Variants in PHLPP1 observed in about 807,000 individuals in gnomAD.
PHLPP1 encodes the protein PH domain leucine-rich repeat-containing protein phosphatase 1.
PHLPP1 carries 42 observed loss-of-function variants against 117.2 expected under a neutral mutation model. The observed-to-expected ratio is 0.36, with a 90% confidence interval of 0.28 to 0.46. PHLPP1 has a LOEUF of 0.46. PHLPP1 is among the 20% of genes least tolerant of loss of function. PHLPP1 has a pLI of 1.00. For missense variants in PHLPP1, 2,084 were observed against 2,241.9 expected, an observed-to-expected ratio of 0.93 and a Z score of 1.42; for synonymous variants, 1,042 against 970.7, an observed-to-expected ratio of 1.07 and a Z score of -1.37.
chr18:62,724,348 G>A (rs929228533), intron 1 of PHLPP1, among the ~76,000 whole-genome samples: 2 of 152,218 alleles, frequency 1.3e-5, no homozygotes, highest in African/African-American at 4.8e-5. Context: ...ATGGTGAGCT[G>A]TGTGCTTGCC....
chr18:62,809,734 G>C (rs1400580210), intron 1 of PHLPP1, among the ~76,000 whole-genome samples: 1 of 151,888 alleles, frequency 6.6e-6, no homozygotes, highest in African/African-American at 2.4e-5. Context: ...TTCTCAGTAT[G>C]TCTTACAACT....
At chr18:62,925,117 A>G (rs1909585930) in intron 10 of PHLPP1, among the ~76,000 whole-genome samples, 1 of 152,078 alleles carries the variant, frequency 6.6e-6, no homozygotes, top group Non-Finnish European at 1.5e-5. Context: ...TCATCAACAG[A>G]TGGGTGCAAG....
chr18:62,921,745 T>TA, intron 10 of PHLPP1, among the ~76,000 whole-genome samples: 1 of 152,196 alleles, frequency 6.6e-6, no homozygotes, highest in East Asian at 1.9e-4. Context: ...TTAATAAGAG[T>TA]AAAAAAATCT....
At chr18:62,891,809 T>C (rs1402650188) in intron 4 of PHLPP1, among the ~76,000 whole-genome samples, 3 of 141,158 alleles carry the variant, frequency 2.1e-5, no homozygotes, top group African/African-American at 7.9e-5. Flanking sequence ...GGGAGGATCA[T>C]CTGAGCCCAG....
At chr18:62,914,249 C>T (rs1348319523) in intron 8 of PHLPP1, among the ~76,000 whole-genome samples, 1 of 152,014 alleles carries the variant, frequency 6.6e-6, no homozygotes. Context: ...TGTAAAAATA[C>T]AAATTTGAAA....
intron 2 of PHLPP1, among the ~76,000 whole-genome samples, chr18:62,836,861 A>G (rs975918041): frequency 2.6e-5 from 4 of 151,992 alleles, no homozygotes; most frequent in African/African-American, 9.7e-5. Flanking sequence ...AGAGGTTGAG[A>G]TAGGAGAATC....
intron 1 of PHLPP1, among the ~76,000 whole-genome samples, chr18:62,759,060 G>A (rs1240987993): frequency 1.3e-5 from 2 of 152,186 alleles, no homozygotes; most frequent in East Asian, 1.9e-4. Flanking sequence ...AAGTACATAG[G>A]ATAGAGAGAA....
chr18:62,896,273 T>C (rs929306115), intron 6 of PHLPP1, among the ~76,000 whole-genome samples: 1 of 147,646 alleles, frequency 6.8e-6, no homozygotes, highest in Admixed American at 6.9e-5. Context: ...TGTTGTTGGT[T>C]TTTGTTTTTT....
chr18:62,749,708 A>G (rs1911786328), intron 1 of PHLPP1, among the ~76,000 whole-genome samples: 2 of 152,158 alleles, frequency 1.3e-5, no homozygotes. Context: ...TTGTGTGTCC[A>G]GATTTCTTCT....
intron 11 of PHLPP1, among the ~76,000 whole-genome samples, chr18:62,943,946 T>C (rs756987207): frequency 2.2e-4 from 34 of 152,190 alleles, no homozygotes; most frequent in Non-Finnish European, 4.1e-4. Flanking sequence ...GTATATGATA[T>C]TAAAAGGTCT....
At position 62,969,436 on chromosome 18, in the gene PHLPP1, A is replaced by G. The variant is rs1348051281; in HGVS notation, c.3561-3078A>G. Among the ~76,000 whole-genome samples the G allele has an allele frequency of 2.6e-5, 4 of 152,292 alleles. No individual in the cohort carries two copies. The East Asian group carries it at 7.7e-4, about 29-fold the overall frequency. On this transcript the variant is annotated intron_variant, in intron 14 of 16. Coordinates refer to ENST00000262719, the MANE Select transcript of PHLPP1 (RefSeq NM_194449.4). Reference sequence around the variant, plus strand: ...CTTATTTAGACTTGATTTTTGGTCCAGAATCTTACCTATCTTGGTAAAAGT... The same window carrying G: ...CTTATTTAGACTTGATTTTTGGTCCGGAATCTTACCTATCTTGGTAAAAGT...
chr18:62,895,986 C>G lies in PHLPP1; in HGVS notation c.2419C>G (p.Pro807Ala), dbSNP rs774514837. The G allele has an allele frequency of 2.5e-6, 4 of 1,610,718 alleles. No homozygotes were observed. The highest frequency in any genetic ancestry group is 3.3e-5 in the Admixed American group (2 of 59,952). Residue 807 changes from proline (P) to alanine (A), a missense_variant, in exon 6 of 17, where the codon CCT (proline) becomes GCT (alanine). By Grantham distance (27) the Pro-to-Ala change is conservative (BLOSUM62 -1). Transcript: ENST00000262719. ...TLRLQALRKM[P>A]HIKHVDLRLN... Reference sequence around the variant, plus strand: ...TAGGCTACAGGCTTTAAGAAAAATGCCTCACATTAAACATGTGGATCTAAG... The same window carrying G: ...TAGGCTACAGGCTTTAAGAAAAATGGCTCACATTAAACATGTGGATCTAAG...
chr18:62,726,078 TCC>T lies in PHLPP1; in HGVS notation c.1576+8820_1576+8821del, dbSNP rs1386481432. On this transcript the variant is annotated intron_variant, in intron 1 of 16. Coordinates refer to ENST00000262719, the MANE Select transcript of PHLPP1 (RefSeq NM_194449.4). The stretch of plus-strand genomic sequence containing the variant: ...CTGCTATAGTTGGCAAACTTATTCT[TCC>T]TTATGCACACACACACTATATATAT... 1.3e-4 allele frequency among the ~76,000 whole-genome samples: 20 copies of T among 151,908 alleles called. 1 individual carries two copies. The highest frequency in any genetic ancestry group is 1.2e-3 in the Admixed American group (19 of 15,256).
chr18:62,882,554 C>G (rs866230218), intron 4 of PHLPP1, among the ~76,000 whole-genome samples: 4 of 152,118 alleles, frequency 2.6e-5, no homozygotes, highest in African/African-American at 2.4e-5. Context: ...CCACCGCGCC[C>G]GGCCATTCAC....
chr18:62,774,881 T>A (rs1413516417), intron 1 of PHLPP1, among the ~76,000 whole-genome samples: 1 of 152,026 alleles, frequency 6.6e-6, no homozygotes, highest in Non-Finnish European at 1.5e-5. Flanking sequence ...ATAAAACCCT[T>A]CTTAGTTCTC....
intron 1 of PHLPP1, among the ~76,000 whole-genome samples, chr18:62,795,902 T>C (rs1485383645): frequency 6.6e-6 from 1 of 152,254 alleles, no homozygotes; most frequent in Non-Finnish European, 1.5e-5. Flanking sequence ...TAAACTGTCC[T>C]GTACACAGCT....
At chr18:62,787,738 G>A (rs79107010) in intron 1 of PHLPP1, among the ~76,000 whole-genome samples, 610 of 152,040 alleles carry the variant, frequency 4.0e-3, no homozygotes, top group Non-Finnish European at 7.1e-3. Context: ...ACTGGTCTAC[G>A]TAAATGTTAT....
At chr18:62,964,138 C>A (rs1243115577) in intron 14 of PHLPP1, among the ~76,000 whole-genome samples, 1 of 151,998 alleles carries the variant, frequency 6.6e-6, no homozygotes, top group Non-Finnish European at 1.5e-5. Flanking sequence ...GGTAAAGAAT[C>A]CTGTAAATTA....
intron 1 of PHLPP1, among the ~76,000 whole-genome samples, chr18:62,819,128 C>T (rs1429038098): frequency 1.3e-5 from 2 of 152,162 alleles, no homozygotes; most frequent in East Asian, 1.9e-4. Flanking sequence ...ATACCACTGT[C>T]AGTAACATGT....
Sources: gnomAD v4.1 joint callset for allele counts (sites outside exome capture counted in the v4.1 genomes callset) on GRCh38, gnomAD v4.1.1 for gene constraint, MANE v1.5 for transcripts, NCBI Gene and HGNC (gene_info 2026-07-23, HGNC 2026-07-21) for gene names.